ST8SIA2: variants seen among roughly 807,000 people sequenced by gnomAD.
The protein encoded by ST8SIA2 is alpha-2,8-sialyltransferase 8B.
In ST8SIA2, 22 loss-of-function variants were observed where a neutral mutation model predicts 37.6. The ratio of observed to expected loss-of-function variants is 0.58; its 90% confidence interval spans 0.42 to 0.83. The LOEUF is 0.83. Among genes scored for constraint, ST8SIA2 ranks in the 40% least tolerant of loss-of-function variants. ST8SIA2 has a pLI of 0.00. For synonymous variants in ST8SIA2, 205 were observed against 201.2 expected, an observed-to-expected ratio of 1.02 and a Z score of -0.16; for missense variants, 382 against 484.7, an observed-to-expected ratio of 0.79 and a Z score of 1.99.
At chr15:92,431,731 C>A (rs919236018) in intron 2 of ST8SIA2, among the ~76,000 whole-genome samples, 1 of 152,158 alleles carries the variant, frequency 6.6e-6, no homozygotes, top group African/African-American at 2.4e-5. Flanking sequence ...CCGAGGTGGA[C>A]CCTGGAGTTT....
At chr15:92,396,657 C>G (rs566921317) in intron 1 of ST8SIA2, among the ~76,000 whole-genome samples, 49 of 152,006 alleles carry the variant, frequency 3.2e-4, no homozygotes, top group Non-Finnish European at 6.0e-4. Flanking sequence ...CCACACCAGG[C>G]TAATTTTTGT....
intron 3 of ST8SIA2, among the ~76,000 whole-genome samples, chr15:92,436,747 A>G (rs1046246168): frequency 3.9e-5 from 6 of 152,232 alleles, no homozygotes; most frequent in Non-Finnish European, 7.3e-5. Context: ...GAATTATTCT[A>G]CAAGGGTGGT....
chr15:92,414,902 A>G (rs1051008024), intron 1 of ST8SIA2, among the ~76,000 whole-genome samples: 3 of 152,190 alleles, frequency 2.0e-5, no homozygotes, highest in African/African-American at 7.2e-5. Flanking sequence ...CACCCTGAAC[A>G]CATATTTGGG....
At chr15:92,401,144 C>T (rs138932165) in intron 1 of ST8SIA2, among the ~76,000 whole-genome samples, 6 of 152,104 alleles carry the variant, frequency 3.9e-5, no homozygotes, top group Admixed American at 6.5e-5. Context: ...TGGAAACGGC[C>T]GGGGGAGGGA....
At chr15:92,441,573 GCATGCACA>G (rs2141836769) in intron 4 of ST8SIA2, among the ~76,000 whole-genome samples, 1 of 114,678 alleles carries the variant, frequency 8.7e-6, no homozygotes, top group South Asian at 2.9e-4. Flanking sequence ...ACTTCACTGT[GCATGCACA>G]CACACACACA....
chr15:92,395,408 C>A (rs1758375413), intron 1 of ST8SIA2, among the ~76,000 whole-genome samples: 2 of 152,188 alleles, frequency 1.3e-5, no homozygotes, highest in Admixed American at 1.3e-4. Context: ...GATGCCGAGG[C>A]CCCAAGGACA....
rs76022536 is a variant in ST8SIA2 at position 92,440,517 on chromosome 15, A to G, written c.548+1907A>G. On this transcript the variant is annotated intron_variant, in intron 4 of 5. Coordinates refer to ENST00000268164, the MANE Select transcript of ST8SIA2 (RefSeq NM_006011.4). ...ACACATACTTGGAAAATATGGGTCA[A>G]AAATGCCAAGGAGCAAGTTACTTCA... Among the ~76,000 whole-genome samples the G allele has an allele frequency of 3.9e-5, 6 of 152,336 alleles. No individual in the cohort carries two copies. The East Asian group carries it at 1.2e-3, about 29-fold the overall frequency.
At position 92,464,089 on chromosome 15, in the gene ST8SIA2, T is replaced by G. The variant is rs2049975413; in HGVS notation, c.843-11T>G. 6.6e-7 allele frequency: 1 copy of G among 1,514,278 alleles called. No homozygotes were observed. Among genetic ancestry groups the G allele is most frequent in the African/African-American group, 1.4e-5 (1 of 70,252 alleles). 93.8% of individuals were successfully genotyped at this position (1,514,278 alleles called of 1,614,324 possible). On this transcript the variant is annotated splice_polypyrimidine_tract_variant and intron_variant, in intron 5 of 5. Coordinates refer to ENST00000268164, the MANE Select transcript of ST8SIA2 (RefSeq NM_006011.4). The stretch of plus-strand genomic sequence containing the variant: ...TTTCTTTTCTTTTTTTTTTTTTTTT[T>G]TTTTTTCCAGATACTGGCTGACCAA...
Position 92,465,639 on chromosome 15 carries a change from G to T in ST8SIA2, c.*1254G>T, listed in dbSNP as rs1039209033. 1 of 152,044 alleles carries T rather than the reference G, an allele frequency of 6.6e-6. No homozygotes were observed. Among genetic ancestry groups the T allele is most frequent in the East Asian group, 1.9e-4 (1 of 5,176 alleles). The allele number at this position is 152,044 out of a possible 1,614,324, so 9.4% of individuals were successfully genotyped here. ...GCCCACCCCAAGCTCCGACATTGAG[G>T]TTTTCATCTCTGCAGGGAGAGGTTC... On this transcript the variant is annotated 3_prime_UTR_variant, in exon 6 of 6. Transcript: ENST00000268164.
intron 1 of ST8SIA2, among the ~76,000 whole-genome samples, chr15:92,412,458 T>C (rs1596232366): frequency 6.6e-6 from 1 of 152,012 alleles, no homozygotes. Flanking sequence ...CCCATTAGGC[T>C]CTTCTTGCCT....
intron 1 of ST8SIA2, among the ~76,000 whole-genome samples, chr15:92,419,448 A>G (rs1325423455): frequency 1.3e-5 from 2 of 152,200 alleles, no homozygotes; most frequent in Non-Finnish European, 1.5e-5. Flanking sequence ...TCTAGAACAC[A>G]CTGGGTGTGC....
At chr15:92,439,233 G>T (rs1317275007) in intron 4 of ST8SIA2, among the ~76,000 whole-genome samples, 1 of 152,198 alleles carries the variant, frequency 6.6e-6, no homozygotes, top group Non-Finnish European at 1.5e-5. Context: ...TGTCTTGGGA[G>T]GGGGTGCCCT....
intron 1 of ST8SIA2, among the ~76,000 whole-genome samples, chr15:92,427,079 G>A (rs570531062): frequency 1.3e-5 from 2 of 152,332 alleles, no homozygotes; most frequent in South Asian, 4.1e-4. Context: ...CTGGGTGACA[G>A]AGCGAGACTC....
chr15:92,424,120 G>A (rs1361130010), intron 1 of ST8SIA2, among the ~76,000 whole-genome samples: 5 of 152,194 alleles, frequency 3.3e-5, no homozygotes, highest in Non-Finnish European at 7.3e-5. Flanking sequence ...TTCATGAATT[G>A]TGCTTTAGTT....
At chr15:92,455,383 C>G (rs928411701) in intron 5 of ST8SIA2, among the ~76,000 whole-genome samples, 4 of 151,894 alleles carry the variant, frequency 2.6e-5, no homozygotes, top group African/African-American at 9.7e-5. Context: ...TTTTAAATAG[C>G]AATGCAGATA....
Position 92,464,401 on chromosome 15 carries a change from G to A in ST8SIA2, c.*16G>A, listed in dbSNP as rs756316878. Reference sequence around the variant, plus strand: ...GGCCACGTAGGGTGGGCACCCCATGGGACTCAGTGGCTCACATTTCCTGCC... The same window carrying A: ...GGCCACGTAGGGTGGGCACCCCATGAGACTCAGTGGCTCACATTTCCTGCC... On this transcript the variant is annotated 3_prime_UTR_variant, in exon 6 of 6. Transcript: ENST00000268164. 5 of 1,612,694 alleles carry A rather than the reference G, an allele frequency of 3.1e-6. No individual in the cohort carries two copies. The South Asian group carries it at 5.5e-5, about 18-fold the overall frequency.
intron 3 of ST8SIA2, 119 bp from the exon 4 acceptor site, chr15:92,438,234 C>T: frequency 7.0e-7 from 1 of 1,434,570 alleles, no homozygotes; most frequent in Non-Finnish European, 9.8e-7. Context: ...TCTCATCATA[C>T]TCTGCGTGTT....
At chr15:92,424,177 A>G (rs2049657113) in intron 1 of ST8SIA2, among the ~76,000 whole-genome samples, 1 of 152,116 alleles carries the variant, frequency 6.6e-6, no homozygotes, top group Non-Finnish European at 1.5e-5. Context: ...TTGGCTCTAG[A>G]CTCTTAATTA....
At chr15:92,410,281 G>A (rs1320924790) in intron 1 of ST8SIA2, among the ~76,000 whole-genome samples, 1 of 152,182 alleles carries the variant, frequency 6.6e-6, no homozygotes. Context: ...CAATAAATAG[G>A]TGTTGGTCTA....
Sources: gnomAD v4.1 joint callset for allele counts (sites outside exome capture counted in the v4.1 genomes callset) on GRCh38, gnomAD v4.1.1 for gene constraint, MANE v1.5 for transcripts, NCBI Gene and HGNC (gene_info 2026-07-23, HGNC 2026-07-21) for gene names.